The following ADGRB3 variants were observed in gnomAD, a reference collection of about 807,000 sequenced individuals.
ADGRB3 encodes brain-specific angiogenesis inhibitor 3.
In ADGRB3, 37 loss-of-function variants were observed where a neutral mutation model predicts 193.4. That is an observed-to-expected ratio of 0.19 (90% CI 0.15 to 0.25). The LOEUF (loss-of-function observed/expected upper bound fraction) is 0.25. Among genes scored for constraint, ADGRB3 ranks in the 10% least tolerant of loss-of-function variants. The pLI, the probability that ADGRB3 is intolerant of heterozygous loss-of-function variation, is 1.00. For synonymous variants in ADGRB3, 690 were observed against 644.2 expected (o/e 1.07, Z -1.08); for missense variants, 1,637 against 1,852.9 (o/e 0.88, Z 2.14).
At chr6:69,323,957 T>C (rs1768515807) in intron 20 of ADGRB3, among the ~76,000 whole-genome samples, 1 of 152,118 alleles carries the variant, frequency 6.6e-6, no homozygotes, top group Non-Finnish European at 1.5e-5. Flanking sequence ...TTTGCCATTT[T>C]CCGTTTTTAA....
At chr6:69,004,828 G>T (rs556282642) in intron 11 of ADGRB3, among the ~76,000 whole-genome samples, 197 of 152,256 alleles carry the variant, frequency 1.3e-3, no homozygotes, top group Non-Finnish European at 2.5e-3. Flanking sequence ...GATATAGTGA[G>T]CCTATAACAA....
At chr6:69,174,204 G>T (rs539908089) in intron 17 of ADGRB3, among the ~76,000 whole-genome samples, 1 of 152,208 alleles carries the variant, frequency 6.6e-6, no homozygotes, top group South Asian at 2.1e-4. Context: ...TGTCTCCCAG[G>T]TACTAAGCAT....
At chr6:68,930,801 CAGTT>C (rs1340107093) in intron 4 of ADGRB3, 132 bp downstream of exon 4, 1 of 647,636 alleles carries the variant, frequency 1.5e-6, no homozygotes, top group Admixed American at 3.2e-5. Flanking sequence ...TTTTTGTCAC[CAGTT>C]AAAGTCCATA....
chr6:69,239,467 T>G (rs1766340554), intron 20 of ADGRB3, among the ~76,000 whole-genome samples: 2 of 152,034 alleles, frequency 1.3e-5, no homozygotes. Flanking sequence ...GTATGTTTAT[T>G]AAACATTATA....
At chr6:69,028,462 A>T (rs545466192) in intron 13 of ADGRB3, among the ~76,000 whole-genome samples, 1 of 152,310 alleles carries the variant, frequency 6.6e-6, no homozygotes, top group East Asian at 1.9e-4. Context: ...GTTATGTGTA[A>T]TAGAACTAGT....
intron 3 of ADGRB3, among the ~76,000 whole-genome samples, chr6:68,900,378 G>C (rs1022600455): frequency 1.6e-4 from 25 of 152,270 alleles, no homozygotes; most frequent in Middle Eastern, 6.8e-3. Context: ...TAGTTGGCTA[G>C]ATATTCAGGG....
chr6:68,860,401 C>G (rs1765120048), intron 3 of ADGRB3, among the ~76,000 whole-genome samples: 1 of 152,168 alleles, frequency 6.6e-6, no homozygotes, highest in South Asian at 2.1e-4. Flanking sequence ...CTCTCCCATT[C>G]TGGAGCCCCA....
chr6:69,141,819 A>G (rs556158460), intron 17 of ADGRB3, among the ~76,000 whole-genome samples: 16 of 152,226 alleles, frequency 1.1e-4, no homozygotes, highest in Non-Finnish European at 1.9e-4. Context: ...AGTTATGACC[A>G]AGTTCAAGTG....
At chr6:68,918,465 C>T (rs1191102071) in intron 3 of ADGRB3, among the ~76,000 whole-genome samples, 1 of 152,164 alleles carries the variant, frequency 6.6e-6, no homozygotes, top group Non-Finnish European at 1.5e-5. Flanking sequence ...TACTAATATG[C>T]AATACCCAGA....
intron 17 of ADGRB3, among the ~76,000 whole-genome samples, chr6:69,090,608 T>C (rs1772678172): frequency 6.6e-6 from 1 of 152,220 alleles, no homozygotes; most frequent in South Asian, 2.1e-4. Context: ...GGGACACAAA[T>C]AGTGAACAAG....
intron 29 of ADGRB3, among the ~76,000 whole-genome samples, chr6:69,365,657 T>C (rs1480310851): frequency 3.9e-5 from 6 of 152,202 alleles, no homozygotes; most frequent in Admixed American, 2.0e-4. Context: ...TTTTAGCTTG[T>C]CTATTTGTGT....
intron 29 of ADGRB3, among the ~76,000 whole-genome samples, chr6:69,369,431 C>T (rs186183779): frequency 0.035 from 5,269 of 152,144 alleles, 157 homozygotes; most frequent in Admixed American, 0.095. Context: ...GGGGTGGAGC[C>T]TCACGCCTGT....
chr6:69,189,807 T>C (rs900861161), intron 17 of ADGRB3, among the ~76,000 whole-genome samples: 2 of 152,160 alleles, frequency 1.3e-5, no homozygotes, highest in African/African-American at 4.8e-5. Context: ...AATAGAAAGG[T>C]CCTTTGCAGA....
Position 68,869,953 on chromosome 6 carries a change from AT to A in ADGRB3, c.758-60601del, listed in dbSNP as rs566166680. Among the ~76,000 whole-genome samples, 617 of 152,182 alleles carry A rather than the reference AT, an allele frequency of 4.1e-3. 3 individuals are homozygous for A. Among genetic ancestry groups the A allele is most frequent in the African/African-American group, 0.014 (595 of 41,538 alleles). ...GCCACCATGCCTGGCTAATTTTTGT[AT>A]TTTTAGTAGAGACGGGATTTCACCA... On this transcript the variant is annotated intron_variant, in intron 3 of 31. Coordinates refer to ENST00000370598, the MANE Select transcript of ADGRB3 (RefSeq NM_001704.3).
At chr6:69,043,290 GAGAAAGAAAGAAAGAAAGAAAGAA>G (rs145178367) in intron 13 of ADGRB3, among the ~76,000 whole-genome samples, 1 of 88,032 alleles carries the variant, frequency 1.1e-5, no homozygotes, top group African/African-American at 4.7e-5. Context: ...GGAAGAAAGA[GAGAAAGAAAGAAAGAAAGAAAGAA>G]AGAAAGAAAG....
intron 10 of ADGRB3, among the ~76,000 whole-genome samples, chr6:68,992,042 T>C (rs1252158077): frequency 6.6e-6 from 1 of 152,074 alleles, no homozygotes; most frequent in Non-Finnish European, 1.5e-5. Flanking sequence ...GCTAAGACTG[T>C]GAATAAGGCA....
chr6:68,920,671 G>T (rs951256734), intron 3 of ADGRB3, among the ~76,000 whole-genome samples: 3 of 151,870 alleles, frequency 2.0e-5, no homozygotes, highest in Admixed American at 6.6e-5. Flanking sequence ...AATTTCTAAG[G>T]CTTGCCAGAC....
chr6:69,055,265 A>G (rs747790639), intron 15 of ADGRB3, among the ~76,000 whole-genome samples: 10 of 152,208 alleles, frequency 6.6e-5, no homozygotes, highest in Admixed American at 4.6e-4. Flanking sequence ...AATTAAGACT[A>G]TACACATTAA....
intron 17 of ADGRB3, among the ~76,000 whole-genome samples, chr6:69,173,071 T>C (rs926457707): frequency 2.6e-5 from 4 of 152,186 alleles, no homozygotes; most frequent in South Asian, 2.1e-4. Context: ...GAAGTCTCAC[T>C]CTGTCGCCCA....
Sources: allele counts gnomAD v4.1 joint callset (sites outside exome capture counted in the v4.1 genomes callset), GRCh38; gene constraint gnomAD v4.1.1; transcripts MANE v1.5; gene names NCBI Gene and HGNC (gene_info 2026-07-23, HGNC 2026-07-21).